PRKAR2A: variants seen among roughly 807,000 people sequenced by gnomAD.
The protein encoded by PRKAR2A is cAMP-dependent protein kinase type II-alpha regulatory subunit.
PRKAR2A carries 29 observed loss-of-function variants against 51.9 expected under a neutral mutation model. The observed-to-expected ratio is 0.56, with a 90% CI of 0.42 to 0.76. PRKAR2A has a LOEUF of 0.76. PRKAR2A is among the 30% of genes least tolerant of loss of function. The pLI is 0.00. For missense variants in PRKAR2A, 445 were observed against 512.1 expected (o/e 0.87, Z 1.26); for synonymous variants, 178 against 186.2 (o/e 0.96, Z 0.36).
At chr3:48,764,394 T>C (rs2081907333) in intron 8 of PRKAR2A, among the ~76,000 whole-genome samples, 1 of 152,186 alleles carries the variant, frequency 6.6e-6, no homozygotes, top group African/African-American at 2.4e-5. Flanking sequence ...AGGACAGAAC[T>C]CTTTAACCTT....
chr3:48,766,437 G>A (rs1471206858), intron 6 of PRKAR2A, among the ~76,000 whole-genome samples: 7 of 151,700 alleles, frequency 4.6e-5, no homozygotes, highest in African/African-American at 1.2e-4. Context: ...GCATGGTGGC[G>A]TTTGTCTAGT....
Position 48,843,584 on chromosome 3 carries a change from T to G in PRKAR2A, c.262+3751A>C, listed in dbSNP as rs888895176. Among the ~76,000 whole-genome samples the G allele has an allele frequency of 2.4e-3, 368 of 152,252 alleles. 1 individual carries two copies. The highest frequency in any genetic ancestry group is 0.02 in the Middle Eastern group (6 of 294). On this transcript the variant is annotated intron_variant, in intron 1 of 10. Coordinates refer to ENST00000265563, the MANE Select transcript of PRKAR2A (RefSeq NM_004157.4). ...GGCATCATGCTACCTGACTTCAAAC[T>G]ATAATACAAGGCTACAGTAACCAAA...
chr3:48,756,544 T>A, intron 8 of PRKAR2A, 100 bp from the exon 9 acceptor site: 1 of 869,292 alleles, frequency 1.2e-6, no homozygotes, highest in Non-Finnish European at 1.9e-6. Context: ...TTTGTATTTA[T>A]TTTTTAACTC....
intron 5 of PRKAR2A, among the ~76,000 whole-genome samples, chr3:48,775,710 C>G (rs147776177): frequency 6.6e-6 from 1 of 152,100 alleles, no homozygotes; most frequent in Middle Eastern, 3.4e-3. Context: ...GCCAGGATTT[C>G]ACCAGGTAAT....
intron 2 of PRKAR2A, among the ~76,000 whole-genome samples, chr3:48,801,228 C>G (rs1335988518): frequency 6.6e-6 from 1 of 152,188 alleles, no homozygotes; most frequent in Admixed American, 6.5e-5. Context: ...TTTTGGCTCA[C>G]TGCAACCTCT....
chr3:48,804,452 C>A (rs566187195), intron 2 of PRKAR2A, among the ~76,000 whole-genome samples: 3 of 151,738 alleles, frequency 2.0e-5, no homozygotes, highest in East Asian at 1.9e-4. Context: ...AGAGTGAGAT[C>A]CTGTTTCAAA....
chr3:48,836,757 C>T (rs747124832), intron 1 of PRKAR2A, among the ~76,000 whole-genome samples: 4 of 151,628 alleles, frequency 2.6e-5, no homozygotes, highest in Non-Finnish European at 4.4e-5. Flanking sequence ...CAGGAGGATC[C>T]CTTGAGGCCA....
chr3:48,839,630 G>A (rs1467372416), intron 1 of PRKAR2A, among the ~76,000 whole-genome samples: 1 of 152,130 alleles, frequency 6.6e-6, no homozygotes, highest in Non-Finnish European at 1.5e-5. Context: ...ATAACAGCTA[G>A]TAAGTTTTTT....
intron 5 of PRKAR2A, 44 bp from the exon 6 acceptor site, chr3:48,773,152 AT>A: frequency 6.6e-7 from 1 of 1,513,748 alleles, no homozygotes; most frequent in Non-Finnish European, 9.1e-7. Context: ...ACTTCTGATA[AT>A]AAATGTTAAG....
At chr3:48,817,280 T>C (rs1387669847) in intron 1 of PRKAR2A, among the ~76,000 whole-genome samples, 1 of 150,998 alleles carries the variant, frequency 6.6e-6, no homozygotes, top group Non-Finnish European at 1.5e-5. Context: ...TGAGCCGAGA[T>C]TGCGCCACCA....
intron 2 of PRKAR2A, among the ~76,000 whole-genome samples, chr3:48,801,972 C>T (rs944051713): frequency 6.6e-6 from 1 of 152,076 alleles, no homozygotes; most frequent in Admixed American, 6.6e-5. Context: ...TGCAACAGTA[C>T]GATCTCGGTT....
At chr3:48,832,693 C>G (rs1184310924) in intron 1 of PRKAR2A, among the ~76,000 whole-genome samples, 2 of 152,018 alleles carry the variant, frequency 1.3e-5, no homozygotes, top group Admixed American at 1.3e-4. Context: ...TTTTAAGCTG[C>G]TCCTTGAGGA....
chr3:48,840,944 T>G (rs1413635358), intron 1 of PRKAR2A, among the ~76,000 whole-genome samples: 1 of 137,732 alleles, frequency 7.3e-6, no homozygotes, highest in Non-Finnish European at 1.5e-5. Flanking sequence ...TGCAATGGCG[T>G]GATCTCCGCT....
chr3:48,829,583 T>TATAC (rs1428722837), intron 1 of PRKAR2A, among the ~76,000 whole-genome samples: 1 of 51,122 alleles, frequency 2.0e-5, no homozygotes, highest in African/African-American at 7.9e-5. Flanking sequence ...AATATATATG[T>TATAC]GTGTATATAT....
chr3:48,835,384 C>G (rs1408674702), intron 1 of PRKAR2A, among the ~76,000 whole-genome samples: 1 of 151,878 alleles, frequency 6.6e-6, no homozygotes, highest in Admixed American at 6.6e-5. Flanking sequence ...GCTCACGCTT[C>G]TAATCCCAGC....
At chr3:48,810,850 G>A (rs2082759387) in intron 1 of PRKAR2A, among the ~76,000 whole-genome samples, 1 of 152,106 alleles carries the variant, frequency 6.6e-6, no homozygotes, top group Non-Finnish European at 1.5e-5. Context: ...AAACCTCTAT[G>A]TAGCCATTTA....
intron 9 of PRKAR2A, 96 bp downstream of exon 9, chr3:48,756,280 TAAC>T (rs2081762405): frequency 2.8e-6 from 3 of 1,066,126 alleles, no homozygotes; most frequent in South Asian, 2.6e-5. Flanking sequence ...ACACCTCACA[TAAC>T]AATGATGGTT....
chr3:48,772,912 A>C (rs769970348), intron 6 of PRKAR2A, 43 bp downstream of exon 6: 109 of 1,583,760 alleles, frequency 6.9e-5, no homozygotes, highest in Non-Finnish European at 2.7e-5. Flanking sequence ...CAGAAAGGGA[A>C]TTAATACTGT....
intron 1 of PRKAR2A, among the ~76,000 whole-genome samples, chr3:48,821,890 G>A (rs912159605): frequency 1.4e-5 from 2 of 146,572 alleles, no homozygotes; most frequent in African/African-American, 5.1e-5. Context: ...ACTCCAGCCT[G>A]GGCGACAGAG....
Sources: gnomAD v4.1 joint callset for allele counts (sites outside exome capture counted in the v4.1 genomes callset) on GRCh38, gnomAD v4.1.1 for gene constraint, MANE v1.5 for transcripts, NCBI Gene and HGNC (gene_info 2026-07-23, HGNC 2026-07-21) for gene names.